Variants in OPHN1 observed in about 807,000 individuals in gnomAD.
The protein encoded by OPHN1 is oligophrenin-1.
OPHN1 carries 11 observed loss-of-function variants against 60.7 expected under a neutral mutation model. The ratio of observed to expected loss-of-function variants is 0.18; its 90% CI spans 0.11 to 0.30. The LOEUF is 0.30. Among genes scored for constraint, OPHN1 ranks in the 10% least tolerant of loss-of-function variants. The pLI is 1.00. For missense variants in OPHN1, 449 were observed against 611.0 expected (o/e 0.73, Z 2.80); for synonymous variants, 226 against 222.6 (o/e 1.02, Z -0.14).
chrX:68,247,755 C>CAA (rs61255783), intron 5 of OPHN1, among the ~76,000 whole-genome samples: 21 of 51,161 alleles, frequency 4.1e-4, no homozygotes, highest in South Asian at 3.5e-3. Context: ...CCAGTCTCTA[C>CAA]AAAAAAAAAA....
chrX:68,348,482 C>T (rs1260702851), intron 2 of OPHN1, among the ~76,000 whole-genome samples: 2 of 110,221 alleles, frequency 1.8e-5, no homozygotes, highest in Admixed American at 2.0e-4. Flanking sequence ...TTTACCAAAA[C>T]AATCTCAACC....
intron 2 of OPHN1, among the ~76,000 whole-genome samples, chrX:68,372,357 T>C (rs1261731969): frequency 9.0e-6 from 1 of 111,395 alleles, no homozygotes; most frequent in Non-Finnish European, 1.9e-5. Context: ...GCATTATGAA[T>C]GTAACCAATG....
chrX:68,279,949 A>G (rs2078012162), intron 4 of OPHN1, among the ~76,000 whole-genome samples: 1 of 111,963 alleles, frequency 8.9e-6, no homozygotes, highest in South Asian at 3.8e-4. Flanking sequence ...AATAAAAGAG[A>G]TGGAGAAACA....
chrX:68,048,526 G>A (rs1027740989), intron 23 of OPHN1, 69 bp from the exon 24 acceptor site: 1 of 976,156 alleles, frequency 1.0e-6, no homozygotes, highest in African/African-American at 1.9e-5. Flanking sequence ...TTGGGGGAAT[G>A]GGGGACACTT....
chrX:68,066,590 A>T (rs768338971), intron 20 of OPHN1, among the ~76,000 whole-genome samples: 2 of 111,641 alleles, frequency 1.8e-5, no homozygotes, highest in African/African-American at 6.5e-5. Flanking sequence ...TAATAATGAG[A>T]ATAATACTGA....
intron 2 of OPHN1, among the ~76,000 whole-genome samples, chrX:68,308,420 G>A (rs945402226): frequency 1.8e-5 from 2 of 109,231 alleles, no homozygotes; most frequent in Admixed American, 9.8e-5. Flanking sequence ...GTGAAACCCC[G>A]TCTCTACCAA....
chrX:68,236,740 T>C (rs1040093527), intron 5 of OPHN1, among the ~76,000 whole-genome samples: 3 of 112,370 alleles, frequency 2.7e-5, no homozygotes, highest in South Asian at 3.7e-4. Flanking sequence ...CTCCTTTTTA[T>C]GACTGAATAT....
At chrX:68,333,675 A>G (rs989613265) in intron 2 of OPHN1, among the ~76,000 whole-genome samples, 29 of 110,243 alleles carry the variant, frequency 2.6e-4, no homozygotes, top group African/African-American at 9.5e-4. Context: ...GTGCGTGCAC[A>G]CACACACACA....
At chrX:68,305,078 A>G (rs975539577) in intron 2 of OPHN1, among the ~76,000 whole-genome samples, 1 of 111,138 alleles carries the variant, frequency 9.0e-6, no homozygotes, top group African/African-American at 3.3e-5. Context: ...ATAATAATTA[A>G]TTAAATAAAA....
intron 2 of OPHN1, among the ~76,000 whole-genome samples, chrX:68,314,241 G>T (rs1420507590): frequency 9.0e-6 from 1 of 111,388 alleles, no homozygotes; most frequent in Non-Finnish European, 1.9e-5. Context: ...TCCCAACCGG[G>T]CCAGGCACAG....
chrX:68,356,121 G>A (rs2078439247), intron 2 of OPHN1, among the ~76,000 whole-genome samples: 1 of 110,762 alleles, frequency 9.0e-6, no homozygotes. Context: ...CCAAATATGT[G>A]GTCAAACGTT....
intron 5 of OPHN1, among the ~76,000 whole-genome samples, chrX:68,259,455 A>C (rs1044829814): frequency 9.0e-6 from 1 of 111,347 alleles, no homozygotes; most frequent in Non-Finnish European, 1.9e-5. Context: ...TGTCTCAAAA[A>C]AAAGATAATT....
chrX:68,201,855 C>A, intron 10 of OPHN1, 145 bp from the exon 11 acceptor site: 1 of 508,452 alleles, frequency 2.0e-6, no homozygotes, highest in Non-Finnish European at 3.5e-6. Flanking sequence ...AATCTTGTCC[C>A]TTCAAACAGT....
At chrX:68,407,386 T>C (rs770742811) in intron 2 of OPHN1, among the ~76,000 whole-genome samples, 2 of 111,527 alleles carry the variant, frequency 1.8e-5, no homozygotes, top group East Asian at 5.6e-4. Flanking sequence ...TTTTACAGAA[T>C]TGTTCCAAAA....
At chrX:68,360,511 CCAG>C (rs2078466965) in intron 2 of OPHN1, among the ~76,000 whole-genome samples, 1 of 111,050 alleles carries the variant, frequency 9.0e-6, no homozygotes, top group Non-Finnish European at 1.9e-5. Flanking sequence ...AAATAGATAA[CCAG>C]CACAGTAGCT....
intron 2 of OPHN1, among the ~76,000 whole-genome samples, chrX:68,324,613 C>CA (rs200346198): frequency 0.019 from 1,230 of 64,980 alleles, 23 homozygotes; most frequent in African/African-American, 0.072. Context: ...TACCTTTTCT[C>CA]AAAAAAAAAA....
chrX:68,116,699 C>G (rs1041653693), intron 16 of OPHN1, among the ~76,000 whole-genome samples: 2 of 111,710 alleles, frequency 1.8e-5, no homozygotes, highest in Non-Finnish European at 3.8e-5. Flanking sequence ...TTCGACATAT[C>G]CAAATTCCAA....
At chrX:68,406,145 C>CAA (rs746893958) in intron 2 of OPHN1, among the ~76,000 whole-genome samples, 1 of 83,423 alleles carries the variant, frequency 1.2e-5, no homozygotes, top group African/African-American at 4.3e-5. Context: ...AAGAATCTGT[C>CAA]AAAAAAAAAA....
At chrX:68,202,791 A>C (rs1363152783) in intron 10 of OPHN1, among the ~76,000 whole-genome samples, 1 of 111,199 alleles carries the variant, frequency 9.0e-6, no homozygotes, top group East Asian at 2.9e-4. Context: ...CACTGTGTCC[A>C]GCCTATGCTA....
Sources: gnomAD v4.1 joint callset for allele counts (sites outside exome capture counted in the v4.1 genomes callset) on GRCh38, gnomAD v4.1.1 for gene constraint, MANE v1.5 for transcripts, NCBI Gene and HGNC (gene_info 2026-07-23, HGNC 2026-07-21) for gene names.